Variants in MRPS21 observed in about 807,000 individuals in gnomAD.
The protein encoded by MRPS21 is small ribosomal subunit protein bS21m.
A neutral mutation model predicts 9.9 loss-of-function variants in MRPS21; 8 were observed. The ratio of observed to expected loss-of-function variants is 0.81; its 90% confidence interval spans 0.47 to 1.45. MRPS21 has a LOEUF of 1.45. Among genes scored for constraint, MRPS21 ranks in the 40% most tolerant of loss-of-function variants. The pLI is 0.00. For missense variants in MRPS21, 101 were observed against 118.9 expected, an observed-to-expected ratio of 0.85 and a Z score of 0.70; for synonymous variants, 40 against 40.3, an observed-to-expected ratio of 0.99 and a Z score of 0.03.
intron 2 of MRPS21, chr1:150,305,020 C>A (rs890435365): frequency 1.8e-5 from 7 of 398,722 alleles, no homozygotes; most frequent in Non-Finnish European, 3.0e-5. Context: ...GCCTGGGCAA[C>A]AAGTGCGCAA....
Position 150,308,079 on chromosome 1 carries a change from A to G in MRPS21, c.115A>G (p.Ile39Val), listed in dbSNP as rs782309713. The change falls in exon 3 of 3, where the codon ATT becomes GTT. Residue 39 changes from isoleucine to valine, a missense_variant. Coordinates refer to ENST00000614145, the MANE Select transcript of MRPS21 (RefSeq NM_031901.6). The part of the protein sequence containing the change: ...ILTMDGLIED[I>V]KHRRYYEKPC... ...CACTATGGATGGGCTCATTGAGGAC[A>G]TTAAGCATCGGCGGTATTATGAGAA... The G allele has an allele frequency of 3.8e-6, 6 of 1,598,418 alleles. No homozygotes were observed. Among genetic ancestry groups the G allele is most frequent in the African/African-American group, 2.7e-5 (2 of 74,756 alleles).
intron 2 of MRPS21, among the ~76,000 whole-genome samples, chr1:150,307,633 C>G (rs1375118951): frequency 6.6e-6 from 1 of 152,078 alleles, no homozygotes; most frequent in Non-Finnish European, 1.5e-5. Flanking sequence ...CTGGAGTACA[C>G]TGGTGCAAAC....
intron 2 of MRPS21, among the ~76,000 whole-genome samples, chr1:150,295,969 T>TA (rs1653902101): frequency 4.0e-4 from 50 of 123,898 alleles, no homozygotes; most frequent in African/African-American, 6.3e-4. Context: ...TTTTTTTTTT[T>TA]TAAAACGGAG....
chr1:150,304,755 C>CAAAAAAA, intron 2 of MRPS21: 1 of 128,786 alleles, frequency 7.8e-6, no homozygotes, highest in South Asian at 1.8e-4. Flanking sequence ...GACTCTGTCT[C>CAAAAAAA]AAAAAAAAAA....
chr1:150,295,196 G>C (rs587605954), intron 2 of MRPS21, among the ~76,000 whole-genome samples: 2 of 151,940 alleles, frequency 1.3e-5, no homozygotes, highest in South Asian at 2.1e-4. Context: ...GGGTTTCACC[G>C]TGTTGGCCAG....
rs116513298 is a variant in MRPS21, at chr1:150,295,501, G to A, written c.83+1052G>A. On this transcript the variant is annotated intron_variant, in intron 2 of 2. Transcript: ENST00000614145. ...AATTCTTTAGAAGACTTAAAAAAGA[G>A]CCCAAATGGAAAATCAAGATGTGAA... Among the ~76,000 whole-genome samples the A allele has an allele frequency of 1.8e-3, 272 of 152,280 alleles. 1 individual carries two copies. The highest frequency in any genetic ancestry group is 6.2e-3 in the African/African-American group (259 of 41,560).
At chr1:150,299,241 TCTC>T (rs781950031) in intron 2 of MRPS21, among the ~76,000 whole-genome samples, 2 of 152,186 alleles carry the variant, frequency 1.3e-5, no homozygotes, top group South Asian at 2.1e-4. Context: ...ATATTTCTAA[TCTC>T]CTTCCTGATC....
chr1:150,303,022 T>C (rs1553857920), intron 2 of MRPS21, among the ~76,000 whole-genome samples: 1 of 152,174 alleles, frequency 6.6e-6, no homozygotes, highest in African/African-American at 2.4e-5. Context: ...TCTTTTGTTA[T>C]TCTTTTTCCT....
chr1:150,306,365 C>T (rs753327217), intron 2 of MRPS21, among the ~76,000 whole-genome samples: 63 of 152,082 alleles, frequency 4.1e-4, no homozygotes, highest in Non-Finnish European at 5.9e-4. Flanking sequence ...ACAGCCTCCA[C>T]CCCGAGTTCA....
chr1:150,300,904 A>G (rs1654092610), intron 2 of MRPS21, among the ~76,000 whole-genome samples: 1 of 152,180 alleles, frequency 6.6e-6, no homozygotes, highest in Non-Finnish European at 1.5e-5. Context: ...GAGTGGTTAG[A>G]AAAATAAATT....
intron 2 of MRPS21, among the ~76,000 whole-genome samples, chr1:150,301,772 A>AT (rs1403492626): frequency 1.3e-5 from 2 of 151,738 alleles, no homozygotes; most frequent in Non-Finnish European, 2.9e-5. Context: ...CGTCCGGCTA[A>AT]TTTTTTGTAG....
intron 2 of MRPS21, among the ~76,000 whole-genome samples, chr1:150,296,590 G>T (rs772143585): frequency 2.0e-5 from 3 of 152,162 alleles, no homozygotes; most frequent in Non-Finnish European, 4.4e-5. Context: ...TAAAAAAAAT[G>T]TAGGAAAGAT....
At position 150,308,268 on chromosome 1, in the gene MRPS21, G is replaced by C. The variant is rs587756882; in HGVS notation, c.*40G>C. ...ACACCCAGTGCGAAACCCTCATCCA[G>C]TTTTCTCTCCATCTCTTTTCTTTGT... On this transcript the variant is annotated 3_prime_UTR_variant, in exon 3 of 3. Coordinates refer to ENST00000614145, the MANE Select transcript of MRPS21 (RefSeq NM_031901.6). The C allele has an allele frequency of 6.4e-7, 1 of 1,554,342 alleles. No individual in the cohort carries two copies. Among genetic ancestry groups the C allele is most frequent in the South Asian group, 1.2e-5 (1 of 86,620 alleles).
At position 150,305,412 on chromosome 1, in the gene MRPS21, C is replaced by T. The variant is rs1370245043; in HGVS notation, c.84-2636C>T. ...GTTTGATTTCACCTGAACTAGTTTACAGATGTGATAACAATTGATTTGGGC... is the reference window on the plus strand; with the variant it reads ...GTTTGATTTCACCTGAACTAGTTTATAGATGTGATAACAATTGATTTGGGC... On this transcript the variant is annotated intron_variant, in intron 2 of 2. Coordinates refer to ENST00000614145, the MANE Select transcript of MRPS21 (RefSeq NM_031901.6). Among the ~76,000 whole-genome samples, 3 of 152,090 alleles carry T rather than the reference C, an allele frequency of 2.0e-5. No homozygotes were observed. The East Asian group carries it at 5.8e-4, about 29-fold the overall frequency.
intron 2 of MRPS21, 29 bp downstream of exon 2, chr1:150,294,478 T>C: frequency 6.4e-7 from 1 of 1,569,560 alleles, no homozygotes; most frequent in Non-Finnish European, 8.8e-7. Context: ...GAATCATGCC[T>C]AGACTCTCTG....
At chr1:150,298,573 C>A (rs374726070) in intron 2 of MRPS21, among the ~76,000 whole-genome samples, 1 of 152,094 alleles carries the variant, frequency 6.6e-6, no homozygotes, top group Non-Finnish European at 1.5e-5. Flanking sequence ...TGACAAAAAA[C>A]AACAAAATTT....
chr1:150,295,920 A>G (rs1007050695), intron 2 of MRPS21, among the ~76,000 whole-genome samples: 5 of 151,802 alleles, frequency 3.3e-5, no homozygotes, highest in Non-Finnish European at 7.4e-5. Context: ...TTTGAATGCC[A>G]GGCTAAGAGA....
In MRPS21 at chr1:150,297,108, G is replaced by A. The variant is rs587661019; in HGVS notation, c.83+2659G>A. ...ACATCGAGACCATCCTGGCTAACAC[G>A]GTGAAACCCCGTCTCTACTAAAAAT... On this transcript the variant is annotated intron_variant, in intron 2 of 2. Coordinates refer to ENST00000614145, the MANE Select transcript of MRPS21 (RefSeq NM_031901.6). Among the ~76,000 whole-genome samples the A allele has an allele frequency of 1.8e-3, 272 of 150,604 alleles. 1 individual carries two copies. The highest frequency in any genetic ancestry group is 4.8e-3 in the South Asian group (23 of 4,768).
intron 2 of MRPS21, among the ~76,000 whole-genome samples, chr1:150,295,207 G>A (rs1553856324): frequency 6.6e-6 from 1 of 151,988 alleles, no homozygotes; most frequent in Non-Finnish European, 1.5e-5. Context: ...TGTTGGCCAG[G>A]ATGGTCTTGA....
Sources: allele counts gnomAD v4.1 joint callset (sites outside exome capture counted in the v4.1 genomes callset), GRCh38; gene constraint gnomAD v4.1.1; transcripts MANE v1.5; gene names NCBI Gene and HGNC (gene_info 2026-07-23, HGNC 2026-07-21).